HERC4: variants seen among roughly 807,000 people sequenced by gnomAD.
HERC4 encodes the protein probable E3 ubiquitin-protein ligase HERC4.
In HERC4, 28 loss-of-function variants were observed where a neutral mutation model predicts 124.3. The ratio of observed to expected loss-of-function variants is 0.23; its 90% CI spans 0.17 to 0.31. The LOEUF is 0.31. Among genes scored for constraint, HERC4 ranks in the 10% least tolerant of loss-of-function variants. The pLI is 1.00. For synonymous variants in HERC4, 407 were observed against 421.5 expected, an observed-to-expected ratio of 0.97 and a Z score of 0.42; for missense variants, 713 against 1,229.3, an observed-to-expected ratio of 0.58 and a Z score of 6.28.
intron 16 of HERC4, 94 bp from the exon 17 acceptor site, chr10:67,957,070 G>T: frequency 1.6e-6 from 1 of 625,496 alleles, no homozygotes; most frequent in Non-Finnish European, 2.7e-6. Context: ...TACATTCTTT[G>T]TTTATTCACT....
In HERC4 at chr10:67,956,893, T is replaced by G. The variant is rs2034178573; in HGVS notation, c.2010A>C (p.Ala670=). ...QAKTTLLQTD[A]VLQMQMAIDQ... ...AATATTTTACCTGCATCTGTAAGACTGCATCGGTCTGTAACAGAGTAGTTT... is the reference window on the plus strand; with the variant it reads ...AATATTTTACCTGCATCTGTAAGACGGCATCGGTCTGTAACAGAGTAGTTT... The change falls in exon 17 of 25, where the codon GCA becomes GCC. Residue 670 remains alanine, a synonymous_variant. Transcript: ENST00000373700. The G allele has an allele frequency of 6.3e-7, 1 of 1,578,380 alleles. No individual in the cohort carries two copies. Among genetic ancestry groups the G allele is most frequent in the African/African-American group, 1.4e-5 (1 of 73,258 alleles).
At chr10:67,950,040 C>T (rs1377002881) in intron 19 of HERC4, among the ~76,000 whole-genome samples, 1 of 150,548 alleles carries the variant, frequency 6.6e-6, no homozygotes, top group South Asian at 2.1e-4. Context: ...AAAAACAAAA[C>T]AAAAAACAAA....
In HERC4 at chr10:67,992,679, G is replaced by C. The variant is rs1474426680; in HGVS notation, c.1073C>G (p.Ser358Cys). The C allele has an allele frequency of 3.4e-6, 5 of 1,474,502 alleles. No homozygotes were observed. The African/African-American group carries it at 5.6e-5, about 17-fold the overall frequency. The allele number at this position is 1,474,502 out of a possible 1,614,324, so 91.3% of individuals were successfully genotyped here. A position where few individuals can be genotyped will look rare whatever the true frequency, so the allele number is the denominator to read the frequency against. The change falls in exon 10 of 25, where the codon TCT becomes TGT. Residue 358 changes from serine to cysteine, a missense_variant. By Grantham distance (112) the Ser-to-Cys change is moderately radical (BLOSUM62 -1). Coordinates refer to ENST00000373700, the MANE Select transcript of HERC4 (RefSeq NM_015601.4). ...TCTTTTTACACAGAAATATTCTTCA[G>C]AATCTGTAATAAAAATGTAAAAAAT... ...YNGQCLPDID[S>C]EEYFCVKRIF...
Position 67,986,530 on chromosome 10 carries a change from T to G in HERC4, c.1806+2133A>C, listed in dbSNP as rs776824148. Among the ~76,000 whole-genome samples the G allele has an allele frequency of 1.8e-4, 28 of 151,990 alleles. No individual in the cohort carries two copies. The Middle Eastern group carries it at 0.01, about 55-fold the overall frequency. ...ACCATACCCAGCTAATTTTTTTTTG[T>G]ATTTTTAGTGGAGACGGGGTTTCAC... is the stretch of plus-strand genomic sequence containing the variant. On this transcript the variant is annotated intron_variant, in intron 15 of 24. Transcript: ENST00000373700.
intron 5 of HERC4, among the ~76,000 whole-genome samples, chr10:68,036,195 G>A (rs1261717558): frequency 6.6e-6 from 1 of 151,812 alleles, no homozygotes; most frequent in Non-Finnish European, 1.5e-5. Context: ...GCAGGCGCCT[G>A]TAGTCCCAGC....
chr10:68,065,764 A>G (rs1036095499), intron 3 of HERC4, among the ~76,000 whole-genome samples: 3 of 152,080 alleles, frequency 2.0e-5, no homozygotes, highest in African/African-American at 7.2e-5. Context: ...GCAGGCTGAG[A>G]TAAGAGGATT....
At chr10:68,054,856 AATT>A (rs1168214260) in intron 3 of HERC4, among the ~76,000 whole-genome samples, 5 of 152,272 alleles carry the variant, frequency 3.3e-5, no homozygotes, top group African/African-American at 9.6e-5. Context: ...ATAACAGTGA[AATT>A]ATTGTTTAAA....
chr10:68,024,580 A>G (rs1474015287), intron 8 of HERC4, among the ~76,000 whole-genome samples: 8 of 152,234 alleles, frequency 5.3e-5, no homozygotes, highest in Non-Finnish European at 7.3e-5. Flanking sequence ...ATGGAGAACC[A>G]TAACTACATA....
chr10:67,995,925 C>A, intron 9 of HERC4: 1 of 213,324 alleles, frequency 4.7e-6, no homozygotes, highest in Non-Finnish European at 9.7e-6. Flanking sequence ...AACAGTGATG[C>A]CTTGTTTCAA....
chr10:68,029,800 A>G (rs1342899082), intron 7 of HERC4, among the ~76,000 whole-genome samples: 6 of 149,762 alleles, frequency 4.0e-5, no homozygotes, highest in African/African-American at 7.4e-5. Context: ...GTACAGTGGC[A>G]CAGCCTCAGC....
chr10:67,958,177 A>T (rs1053202189), intron 16 of HERC4, among the ~76,000 whole-genome samples: 5 of 152,188 alleles, frequency 3.3e-5, no homozygotes, highest in African/African-American at 9.6e-5. Flanking sequence ...AAGTGTACGT[A>T]GTTTAAATAT....
intron 10 of HERC4, 102 bp downstream of exon 10, chr10:67,992,504 A>C: frequency 9.4e-7 from 1 of 1,065,752 alleles, no homozygotes; most frequent in South Asian, 1.5e-5. Flanking sequence ...GAAAAAAACT[A>C]AGGCAATTAC....
chr10:67,943,878 G>A (rs548391583), intron 19 of HERC4, among the ~76,000 whole-genome samples: 25 of 152,358 alleles, frequency 1.6e-4, no homozygotes, highest in Admixed American at 1.2e-3. Context: ...GATGGGGCCT[G>A]TAGAGTGGGA....
At chr10:67,927,411 TATATATATATATATA>T (rs1314349932) in intron 23 of HERC4, among the ~76,000 whole-genome samples, 1,279 of 13,440 alleles carry the variant, frequency 0.095, 112 homozygotes, top group African/African-American at 0.19. Context: ...TATATATATA[TATATATATATATATA>T]TATATTTTTT....
chr10:67,935,033 C>T (rs1485964644), intron 22 of HERC4, among the ~76,000 whole-genome samples: 1 of 149,118 alleles, frequency 6.7e-6, no homozygotes, highest in Non-Finnish European at 1.5e-5. Flanking sequence ...ATACTGATTT[C>T]GGTTTCCTCT....
chr10:68,041,144 C>T (rs1364556165), intron 4 of HERC4, among the ~76,000 whole-genome samples: 1 of 95,958 alleles, frequency 1.0e-5, no homozygotes, highest in Non-Finnish European at 1.7e-5. Context: ...ATTCCAACCA[C>T]TAATGTTTAG....
intron 18 of HERC4, 48 bp from the exon 19 acceptor site, chr10:67,954,786 G>A: frequency 6.4e-7 from 1 of 1,564,348 alleles, no homozygotes; most frequent in Non-Finnish European, 8.7e-7. Flanking sequence ...AGAAATGAAA[G>A]TACATTCTGG....
intron 24 of HERC4, 25 bp from the exon 25 acceptor site, chr10:67,923,164 C>CAA (rs1478400728): frequency 6.4e-7 from 1 of 1,574,764 alleles, no homozygotes; most frequent in Non-Finnish European, 8.7e-7. Context: ...ATCATTCAGT[C>CAA]AACCACTTCA....
intron 15 of HERC4, among the ~76,000 whole-genome samples, chr10:67,968,584 C>G (rs1273494483): frequency 1.3e-5 from 2 of 151,906 alleles, no homozygotes; most frequent in Non-Finnish European, 2.9e-5. Context: ...ACCATGTTAG[C>G]CAGGATGGTC....
Sources: allele counts gnomAD v4.1 joint callset (sites outside exome capture counted in the v4.1 genomes callset), GRCh38; gene constraint gnomAD v4.1.1; transcripts MANE v1.5; gene names NCBI Gene and HGNC (gene_info 2026-07-23, HGNC 2026-07-21).